Variants in SOX6 observed in about 807,000 individuals in gnomAD.
SOX6 encodes transcription factor SOX-6.
In SOX6, 11 loss-of-function variants were observed where a neutral mutation model predicts 97.8. The observed-to-expected ratio is 0.11, with a 90% CI of 0.07 to 0.19. The LOEUF (loss-of-function observed/expected upper bound fraction) is 0.19. Ranked by LOEUF, SOX6 falls within the 10% of genes least tolerant of loss-of-function variation. SOX6 has a pLI of 1.00. For missense variants in SOX6, 810 were observed against 1,039.5 expected (o/e 0.78, Z 3.04); for synonymous variants, 360 against 371.4 (o/e 0.97, Z 0.35).
chr11:16,632,596 G>A (rs1848725224), intron 3 of SOX6, among the ~76,000 whole-genome samples: 2 of 152,320 alleles, frequency 1.3e-5, no homozygotes, highest in Non-Finnish European at 2.9e-5. Context: ...GACTGGGCAG[G>A]TCTCTGCCTA....
At chr11:16,472,309 A>G (rs938603690) in intron 1 of SOX6, among the ~76,000 whole-genome samples, 2 of 152,350 alleles carry the variant, frequency 1.3e-5, no homozygotes, top group South Asian at 2.1e-4. Context: ...GAAAGGAGGT[A>G]AAAAAGAGAC....
At chr11:16,719,874 C>T (rs1167613853) in intron 2 of SOX6, among the ~76,000 whole-genome samples, 2 of 152,020 alleles carry the variant, frequency 1.3e-5, no homozygotes, top group Non-Finnish European at 2.9e-5. Flanking sequence ...CACCACTGCA[C>T]CCCAGCCTGG....
intron 1 of SOX6, among the ~76,000 whole-genome samples, chr11:16,348,324 A>G (rs1483661638): frequency 6.6e-6 from 1 of 152,146 alleles, no homozygotes; most frequent in African/African-American, 2.4e-5. Flanking sequence ...TCTCCAATTG[A>G]AGACAATCAA....
chr11:15,980,126 T>C (rs926927730), intron 15 of SOX6, among the ~76,000 whole-genome samples: 1 of 152,040 alleles, frequency 6.6e-6, no homozygotes, highest in African/African-American at 2.4e-5. Context: ...TGTATGAAAA[T>C]AACCATCTTT....
chr11:16,114,331 AAC>A (rs1184461102), intron 6 of SOX6, among the ~76,000 whole-genome samples: 2 of 152,172 alleles, frequency 1.3e-5, no homozygotes, highest in East Asian at 3.9e-4. Context: ...TGTAATCTTG[AAC>A]AGTTACTTAA....
chr11:16,500,820 A>T (rs189598875), intron 4 of SOX6, among the ~76,000 whole-genome samples: 1 of 152,204 alleles, frequency 6.6e-6, no homozygotes, highest in South Asian at 2.1e-4. Context: ...GGATACAAAC[A>T]AATGGAAGAA....
chr11:16,001,049 G>A (rs1385142257), intron 13 of SOX6, among the ~76,000 whole-genome samples: 2 of 151,706 alleles, frequency 1.3e-5, no homozygotes, highest in Admixed American at 6.6e-5. Context: ...ATTTTTAGTA[G>A]AGACAGGGTT....
chr11:16,319,461 C>T (rs547906205), intron 2 of SOX6, among the ~76,000 whole-genome samples: 16 of 151,574 alleles, frequency 1.1e-4, no homozygotes, highest in African/African-American at 3.9e-4. Flanking sequence ...TGTGCTGCAC[C>T]CATTAACTCG....
At chr11:16,176,709 A>G (rs1476046140) in intron 6 of SOX6, among the ~76,000 whole-genome samples, 4 of 151,946 alleles carry the variant, frequency 2.6e-5, no homozygotes, top group Non-Finnish European at 5.9e-5. Context: ...GGATAAAGAG[A>G]ATGTAATGAC....
chr11:16,604,992 C>T (rs1164690324), intron 4 of SOX6, among the ~76,000 whole-genome samples: 1 of 152,148 alleles, frequency 6.6e-6, no homozygotes, highest in African/African-American at 2.4e-5. Context: ...GAGCACAACC[C>T]CAGCAGCCTT....
intron 9 of SOX6, among the ~76,000 whole-genome samples, chr11:16,072,546 T>G (rs1848250365): frequency 6.6e-6 from 1 of 152,076 alleles, no homozygotes; most frequent in Non-Finnish European, 1.5e-5. Context: ...CCATGAAAAT[T>G]TTCCCAACCT....
intron 4 of SOX6, among the ~76,000 whole-genome samples, chr11:16,516,489 AG>A (rs1430763044): frequency 6.6e-6 from 1 of 152,120 alleles, no homozygotes; most frequent in African/African-American, 2.4e-5. Context: ...AAAATGATAA[AG>A]GGGATATCAC....
At chr11:16,591,351 ACAGATAGATAG>A (rs1209646861) in intron 4 of SOX6, among the ~76,000 whole-genome samples, 21 of 46,844 alleles carry the variant, frequency 4.5e-4, no homozygotes, top group East Asian at 3.7e-3. Flanking sequence ...AGATAGATAG[ACAGATAGATAG>A]ATAGATAGAT....
chr11:16,658,996 G>C (rs896040692), intron 3 of SOX6, among the ~76,000 whole-genome samples: 1 of 151,908 alleles, frequency 6.6e-6, no homozygotes, highest in Non-Finnish European at 1.5e-5. Context: ...TTTCTGGCTT[G>C]TTTTTTTCTT....
intron 1 of SOX6, among the ~76,000 whole-genome samples, chr11:16,401,215 G>GT (rs1192748229): frequency 6.6e-6 from 1 of 151,484 alleles, no homozygotes; most frequent in African/African-American, 2.4e-5. Flanking sequence ...GCATATGAAA[G>GT]TATCTCACAC....
At chr11:16,584,522 G>A (rs1848071136) in intron 4 of SOX6, among the ~76,000 whole-genome samples, 2 of 152,080 alleles carry the variant, frequency 1.3e-5, no homozygotes, top group South Asian at 2.1e-4. Context: ...TGCCCCCACT[G>A]CTACAGCTAC....
chr11:16,427,241 T>C (rs917371611), intron 1 of SOX6, among the ~76,000 whole-genome samples: 2 of 151,440 alleles, frequency 1.3e-5, no homozygotes, highest in African/African-American at 4.8e-5. Context: ...AAAGATCTAA[T>C]ATCCAGCATC....
chr11:16,737,638 A>G (rs1848402804), intron 1 of SOX6, among the ~76,000 whole-genome samples: 1 of 152,224 alleles, frequency 6.6e-6, no homozygotes, highest in Non-Finnish European at 1.5e-5. Flanking sequence ...TTAATAAAGT[A>G]GGAGATAGTC....
chr11:16,066,753 G>A, intron 9 of SOX6, among the ~76,000 whole-genome samples: 1 of 152,140 alleles, frequency 6.6e-6, no homozygotes, highest in East Asian at 1.9e-4. Context: ...GGCTAGGAAG[G>A]ATAATGGGAG....
Sources: gnomAD v4.1 joint callset for allele counts (sites outside exome capture counted in the v4.1 genomes callset) on GRCh38, gnomAD v4.1.1 for gene constraint, MANE v1.5 for transcripts, NCBI Gene and HGNC (gene_info 2026-07-23, HGNC 2026-07-21) for gene names.